NRXN1: variants seen among roughly 807,000 people sequenced by gnomAD.
NRXN1 encodes neurexin-1.
In NRXN1, 39 loss-of-function variants were observed where a neutral mutation model predicts 150.9. That is an observed-to-expected ratio of 0.26 (90% confidence interval 0.20 to 0.34). The LOEUF is 0.34. Ranked by LOEUF, NRXN1 falls within the 10% of genes least tolerant of loss-of-function variation. NRXN1 has a pLI of 1.00. For synonymous variants in NRXN1, 924 were observed against 757.0 expected (o/e 1.22, Z -3.62); for missense variants, 1,815 against 1,949.9 (o/e 0.93, Z 1.30).
intron 19 of NRXN1, among the ~76,000 whole-genome samples, chr2:50,081,141 T>C (rs1697904385): frequency 6.6e-6 from 1 of 152,234 alleles, no homozygotes; most frequent in Non-Finnish European, 1.5e-5. Flanking sequence ...TCTAGATTAA[T>C]GTCTAAAACT....
chr2:50,389,924 C>A (rs2081576326), intron 17 of NRXN1, among the ~76,000 whole-genome samples: 1 of 152,134 alleles, frequency 6.6e-6, no homozygotes, highest in South Asian at 2.1e-4. Flanking sequence ...TATCTAATTT[C>A]TTTTCGTGAA....
intron 15 of NRXN1, among the ~76,000 whole-genome samples, chr2:50,492,321 G>A (rs1041922018): frequency 6.6e-6 from 1 of 152,174 alleles, no homozygotes; most frequent in Non-Finnish European, 1.5e-5. Context: ...AACCCCCTGA[G>A]AATCGAGCGG....
intron 17 of NRXN1, among the ~76,000 whole-genome samples, chr2:50,410,112 A>G (rs2083038886): frequency 6.6e-6 from 1 of 152,062 alleles, no homozygotes. Context: ...GCTCCCCTAC[A>G]TACAAGCAAG....
At chr2:50,644,817 A>G (rs1030075673) in intron 5 of NRXN1, among the ~76,000 whole-genome samples, 4 of 144,132 alleles carry the variant, frequency 2.8e-5, no homozygotes, top group African/African-American at 2.7e-5. Flanking sequence ...AATATATATG[A>G]ATATAAACAT....
At position 50,346,987 on chromosome 2, in the gene NRXN1, CAA is replaced by C. The variant is rs1408177071; in HGVS notation, c.3365-110019_3365-110018del. ...GCCGAGGGGCAGCCGCCGCGGGAGG[CAA>C]AGTTTGGGGCGCGGGGAGAGGAGAG... On this transcript the variant is annotated intron_variant, in intron 17 of 22. Coordinates refer to ENST00000401669, the MANE Select transcript of NRXN1 (RefSeq NM_001330078.2). This position sits in a 1 kb window ranked among gnomAD's most constrained non-coding sequence, Gnocchi z 5.0. 1.5e-6 allele frequency: 2 copies of C among 1,359,548 alleles called. No homozygotes were observed. The highest frequency in any genetic ancestry group is 6.2e-5 in the Admixed American group (2 of 32,044). 84.2% of individuals were successfully genotyped at this position (1,359,548 alleles called of 1,614,324 possible).
chr2:50,571,702 G>C (rs968692985), intron 8 of NRXN1, among the ~76,000 whole-genome samples: 8 of 152,050 alleles, frequency 5.3e-5, no homozygotes, highest in African/African-American at 1.9e-4. Flanking sequence ...CATTAGATGG[G>C]AGGTGCCTAG....
At chr2:50,047,077 G>C (rs1208865223) in intron 21 of NRXN1, among the ~76,000 whole-genome samples, 1 of 152,134 alleles carries the variant, frequency 6.6e-6, no homozygotes, top group Non-Finnish European at 1.5e-5. Context: ...TTTTCAAAAG[G>C]ATAGTCTGAC....
chr2:50,734,972 C>T (rs976315090), intron 5 of NRXN1, among the ~76,000 whole-genome samples: 1 of 152,140 alleles, frequency 6.6e-6, no homozygotes, highest in African/African-American at 2.4e-5. Context: ...TACAATATAC[C>T]TGTTCAAATA....
At chr2:50,796,388 G>A (rs1295242649) in intron 5 of NRXN1, among the ~76,000 whole-genome samples, 1 of 152,112 alleles carries the variant, frequency 6.6e-6, no homozygotes, top group Admixed American at 6.6e-5. Flanking sequence ...GGCCACACGG[G>A]TAATATATGT....
At chr2:50,462,648 G>A (rs573037340) in intron 17 of NRXN1, among the ~76,000 whole-genome samples, 2 of 151,842 alleles carry the variant, frequency 1.3e-5, no homozygotes, top group South Asian at 4.1e-4. Context: ...TCACTTAGAT[G>A]GCAATTTTCC....
At chr2:50,517,396 G>A (rs1182790344) in intron 12 of NRXN1, among the ~76,000 whole-genome samples, 1 of 116,418 alleles carries the variant, frequency 8.6e-6, no homozygotes, top group Non-Finnish European at 1.8e-5. Flanking sequence ...GGGTTTATTT[G>A]TGTAAACTTT....
chr2:50,550,573 T>A (rs1169116954), intron 9 of NRXN1, among the ~76,000 whole-genome samples: 1 of 152,002 alleles, frequency 6.6e-6, no homozygotes, highest in Non-Finnish European at 1.5e-5. Context: ...TTAACTGCTA[T>A]CTCTGGCAGA....
intron 21 of NRXN1, among the ~76,000 whole-genome samples, chr2:49,948,872 C>T (rs1039166975): frequency 6.6e-6 from 1 of 152,016 alleles, no homozygotes; most frequent in African/African-American, 2.4e-5. Context: ...ATTAGCTTTA[C>T]ATAACAGTCC....
intron 15 of NRXN1, among the ~76,000 whole-genome samples, chr2:50,494,602 G>C (rs2091453972): frequency 6.6e-6 from 1 of 152,208 alleles, no homozygotes; most frequent in South Asian, 2.1e-4. Context: ...TGAAAGAAGG[G>C]AGACGGCCAT....
intron 12 of NRXN1, among the ~76,000 whole-genome samples, chr2:50,525,177 T>C (rs2092914073): frequency 6.6e-6 from 1 of 152,224 alleles, no homozygotes; most frequent in Non-Finnish European, 1.5e-5. Context: ...CATCTTCTCA[T>C]GCAAATAATT....
At chr2:50,949,094 A>C (rs1203189186) in intron 2 of NRXN1, among the ~76,000 whole-genome samples, 3 of 152,040 alleles carry the variant, frequency 2.0e-5, no homozygotes, top group Non-Finnish European at 4.4e-5. Context: ...TGTTCTTAGG[A>C]CTGTCCTATT....
chr2:50,375,666 T>C (rs1203508357), intron 17 of NRXN1, among the ~76,000 whole-genome samples: 1 of 151,238 alleles, frequency 6.6e-6, no homozygotes, highest in Non-Finnish European at 1.5e-5. Context: ...ACTATTACTA[T>C]TGCAATAGCA....
At chr2:50,786,077 G>T (rs1319020104) in intron 5 of NRXN1, among the ~76,000 whole-genome samples, 1 of 152,000 alleles carries the variant, frequency 6.6e-6, no homozygotes, top group African/African-American at 2.4e-5. Flanking sequence ...TGAGCAGAAT[G>T]CAAATAATGA....
chr2:50,535,708 A>C (rs1388045869), intron 10 of NRXN1, among the ~76,000 whole-genome samples: 1 of 152,140 alleles, frequency 6.6e-6, no homozygotes, highest in Non-Finnish European at 1.5e-5. Context: ...AATACATGTA[A>C]AACAAAATAC....
Sources: gnomAD v4.1 joint callset for allele counts (sites outside exome capture counted in the v4.1 genomes callset) on GRCh38, gnomAD v4.1.1 for gene constraint, Gnocchi (gnomAD v3.1) non-coding constraint, MANE v1.5 for transcripts, NCBI Gene and HGNC (gene_info 2026-07-23, HGNC 2026-07-21) for gene names.